SH3BP5L: variants seen among roughly 807,000 people sequenced by gnomAD.
SH3BP5L encodes the protein SH3 domain-binding protein 5-like.
A neutral mutation model predicts 40.9 loss-of-function variants in SH3BP5L; 16 were observed. The ratio of observed to expected loss-of-function variants is 0.39; its 90% CI spans 0.27 to 0.59. SH3BP5L has a LOEUF of 0.59. Ranked by LOEUF, SH3BP5L falls within the 20% of genes least tolerant of loss-of-function variation. The pLI is 0.53. For synonymous variants in SH3BP5L, 229 were observed against 226.7 expected (o/e 1.01, Z -0.09); for missense variants, 471 against 544.6 (o/e 0.86, Z 1.35).
At chr1:248,816,297 C>A (rs2103014778) in intron 4 of SH3BP5L, 1 of 505,220 alleles carries the variant, frequency 2.0e-6, no homozygotes, top group South Asian at 2.3e-5. Context: ...TAAACATTAG[C>A]AGGGCTGAAC....
intron 4 of SH3BP5L, chr1:248,815,905 C>T (rs1385067022): frequency 6.5e-6 from 1 of 153,556 alleles, no homozygotes; most frequent in East Asian, 1.9e-4. Context: ...CCCTGCATGG[C>T]ATGGATGTCC....
Position 248,811,798 on chromosome 1 carries a change from G to A in SH3BP5L, c.*102C>T. The A allele has an allele frequency of 2.3e-6, 2 of 885,856 alleles. No individual in the cohort carries two copies. Among genetic ancestry groups the A allele is most frequent in the Non-Finnish European group, 1.7e-6 (1 of 598,358 alleles). 54.9% of individuals were successfully genotyped at this position (885,856 alleles called of 1,614,324 possible). ...CTCCCAGGGAAGCACTGGAGAAGGG[G>A]ACCTTCGGGAAGACGAGGCCCCAGA... On this transcript the variant is annotated 3_prime_UTR_variant, in exon 7 of 7. Transcript: ENST00000366472.
intron 2 of SH3BP5L, 57 bp from the exon 3 acceptor site, chr1:248,816,941 C>T: frequency 1.2e-6 from 2 of 1,609,542 alleles, no homozygotes; most frequent in Non-Finnish European, 1.7e-6. Flanking sequence ...CTTGAATGAA[C>T]CATGCAAGGC....
At chr1:248,822,613 T>A (rs534908369) in intron 2 of SH3BP5L, among the ~76,000 whole-genome samples, 2 of 152,114 alleles carry the variant, frequency 1.3e-5, no homozygotes, top group South Asian at 2.1e-4. Flanking sequence ...GAAGAGTCAG[T>A]GATGACAGAA....
chr1:248,822,212 T>C (rs1409753242), intron 2 of SH3BP5L, among the ~76,000 whole-genome samples: 3 of 152,128 alleles, frequency 2.0e-5, no homozygotes, highest in African/African-American at 7.2e-5. Flanking sequence ...TAGTGAACTG[T>C]CAACACTCAA....
At position 248,825,289 on chromosome 1, in the gene SH3BP5L, C is replaced by T. The variant is rs1205111668; in HGVS notation, c.-354G>A. ...CACCATTCGGGAGGGTGGAGGCAGG[C>T]GCCTCCAGGCTGTGGTGGCAGCTGG... On this transcript the variant is annotated 5_prime_UTR_variant, in exon 2 of 7. Transcript: ENST00000366472. The T allele has an allele frequency of 7.8e-6, 8 of 1,024,010 alleles. No individual in the cohort carries two copies. Among genetic ancestry groups the T allele is most frequent in the South Asian group, 4.1e-5 (1 of 24,678 alleles). The allele number at this position is 1,024,010 out of a possible 1,614,324, so 63.4% of individuals were successfully genotyped here.
chr1:248,815,082 A>C (rs563601198), intron 4 of SH3BP5L, among the ~76,000 whole-genome samples: 2 of 152,212 alleles, frequency 1.3e-5, no homozygotes, highest in South Asian at 4.1e-4. Context: ...CTTTTCAGTT[A>C]TAGGACATCG....
In SH3BP5L at chr1:248,816,962, CAGAG is replaced by C. The variant is rs200562590; in HGVS notation, c.184-82_184-79del. On this transcript the variant is annotated intron_variant, in intron 2 of 6. Transcript: ENST00000366472. ...TGAACCATGCAAGGCAGGAGCAACA[CAGAG>C]AGAGAGAGCCCCACTTGCCCAGGGA... 2.7e-5 allele frequency: 43 copies of C among 1,607,394 alleles called. No homozygotes were observed. The African/African-American group carries it at 5.4e-4, about 20-fold the overall frequency.
rs947271825 is a variant in SH3BP5L, at chr1:248,821,956, G to A, written c.183+2797C>T. Reference sequence around the variant, plus strand: ...AGCCTCAGAAAATACCGAAACAGGCGCTCTACCTTTGGGATATACCTGGCC... The same window carrying A: ...AGCCTCAGAAAATACCGAAACAGGCACTCTACCTTTGGGATATACCTGGCC... On this transcript the variant is annotated intron_variant, in intron 2 of 6. Coordinates refer to ENST00000366472, the MANE Select transcript of SH3BP5L (RefSeq NM_030645.3). The surrounding 1 kb of genome is among the most constrained non-coding windows in gnomAD (Gnocchi z 4.6). Among the ~76,000 whole-genome samples, 2 of 152,118 alleles carry A rather than the reference G, an allele frequency of 1.3e-5. No individual in the cohort carries two copies. The highest frequency in any genetic ancestry group is 2.4e-5 in the African/African-American group (1 of 41,408).
intron 2 of SH3BP5L, among the ~76,000 whole-genome samples, chr1:248,818,692 G>C (rs752032876): frequency 2.0e-5 from 3 of 152,244 alleles, no homozygotes; most frequent in Non-Finnish European, 4.4e-5. Flanking sequence ...AAATGGAAGA[G>C]AGCTGAGAGG....
intron 5 of SH3BP5L, 157 bp from the exon 6 acceptor site, chr1:248,813,319 C>T: frequency 1.5e-6 from 1 of 682,290 alleles, no homozygotes. Context: ...CGCAGGGGAA[C>T]ACGGGGTCTA....
chr1:248,819,518 A>G (rs1018706469), intron 2 of SH3BP5L, among the ~76,000 whole-genome samples: 2 of 151,966 alleles, frequency 1.3e-5, no homozygotes, highest in Admixed American at 6.6e-5. Context: ...CCTGGGCAAC[A>G]TGATGCAAAG....
Position 248,811,997 on chromosome 1 carries a change from C to T in SH3BP5L, c.1085G>A (p.Ser362Asn), listed in dbSNP as rs1397829475. The T allele has an allele frequency of 1.2e-6, 2 of 1,608,140 alleles. No homozygotes were observed. Among genetic ancestry groups the T allele is most frequent in the South Asian group, 1.1e-5 (1 of 89,996 alleles). ...EHLRGLSDHV[S>N]LDGQELGTRS... ...CGTTCCCAGCTCTTGGCCGTCCAGACTGACGTGGTCCGAGAGGCCTCGCAA... is the reference window on the plus strand; with the variant it reads ...CGTTCCCAGCTCTTGGCCGTCCAGATTGACGTGGTCCGAGAGGCCTCGCAA... The change falls in exon 7 of 7, where the codon AGT becomes AAT. Residue 362 changes from serine to asparagine, a missense_variant. By Grantham distance (46) the Ser-to-Asn change is conservative. Coordinates refer to ENST00000366472, the MANE Select transcript of SH3BP5L (RefSeq NM_030645.3).
intron 4 of SH3BP5L, chr1:248,814,835 A>G (rs10888590): frequency 0.24 from 160,202 of 661,348 alleles, 30,337 homozygotes; most frequent in African/African-American, 0.76. Context: ...TGGAGGGTAG[A>G]TGTGTGAAAT....
chr1:248,815,974 A>G (rs915882898), intron 4 of SH3BP5L: 6 of 156,042 alleles, frequency 3.8e-5, no homozygotes, highest in African/African-American at 1.4e-4. Context: ...TCACCTCACC[A>G]TACAGGATGA....
At chr1:248,815,383 CT>C (rs901635610) in intron 4 of SH3BP5L, among the ~76,000 whole-genome samples, 1 of 152,172 alleles carries the variant, frequency 6.6e-6, no homozygotes, top group African/African-American at 2.4e-5. Flanking sequence ...ATAGCACATA[CT>C]GTGTAATCCC....
intron 2 of SH3BP5L, chr1:248,820,543 C>T (rs1664231708): frequency 6.6e-6 from 1 of 152,184 alleles, no homozygotes; most frequent in African/African-American, 2.4e-5. Context: ...AGATGAGAAA[C>T]AACCAGGCGG....
Position 248,812,277 on chromosome 1 carries a change from C to T in SH3BP5L, c.805G>A (p.Glu269Lys), listed in dbSNP as rs2103011237. The change falls in exon 7 of 7, where the codon GAG becomes AAG. Residue 269 changes from glutamate (E) to lysine (K), a missense_variant. By Grantham distance (56) the Glu-to-Lys change is moderately conservative. This residue lies in a region of SH3BP5L where 275 missense variants were observed against 370.1 expected (regional missense o/e 0.74). Coordinates refer to ENST00000366472, the MANE Select transcript of SH3BP5L (RefSeq NM_030645.3). This position sits in a 1 kb window ranked among gnomAD's most constrained non-coding sequence, Gnocchi z 6.1. ...CCGCGGCGCCGTGCGTGAATCTGCTCGCTGATCTGCTCCAGGTTACGAAGG... is the reference window on the plus strand; with the variant it reads ...CCGCGGCGCCGTGCGTGAATCTGCTTGCTGATCTGCTCCAGGTTACGAAGG... ...VALRNLEQIS[E>K]QIHARRRGGL... 1 of 1,612,270 alleles carries T rather than the reference C, an allele frequency of 6.2e-7. No individual in the cohort carries two copies. The highest frequency in any genetic ancestry group is 1.7e-5 in the Admixed American group (1 of 60,014).
At position 248,810,523 on chromosome 1, in the gene SH3BP5L, C is replaced by G. The variant is rs1043085317; in HGVS notation, c.*1377G>C. On this transcript the variant is annotated 3_prime_UTR_variant, in exon 7 of 7. Coordinates refer to ENST00000366472, the MANE Select transcript of SH3BP5L (RefSeq NM_030645.3). ...CCCCTTACACACCAGCACATGCACA[C>G]ACGCACACCCACACCCTCCCTCCCT... 2.0e-5 allele frequency: 3 copies of G among 152,460 alleles called. No homozygotes were observed. The highest frequency in any genetic ancestry group is 4.4e-5 in the Non-Finnish European group (3 of 68,138). 9.4% of individuals were successfully genotyped at this position (152,460 alleles called of 1,614,324 possible).
Sources: allele counts gnomAD v4.1 joint callset (sites outside exome capture counted in the v4.1 genomes callset), GRCh38; gene constraint gnomAD v4.1.1; regional missense constraint gnomAD v4.1.1; non-coding constraint Gnocchi (gnomAD v3.1); transcripts MANE v1.5; gene names NCBI Gene and HGNC (gene_info 2026-07-23, HGNC 2026-07-21).